BMPR1B: variants seen among roughly 807,000 people sequenced by gnomAD.
BMPR1B encodes the protein bone morphogenetic protein receptor type 1B.
BMPR1B carries 12 observed loss-of-function variants against 59.1 expected under a neutral mutation model. The observed-to-expected ratio is 0.20, with a 90% CI of 0.13 to 0.33. BMPR1B has a LOEUF of 0.33. BMPR1B is among the 10% of genes least tolerant of loss of function. The pLI, the probability that BMPR1B is intolerant of heterozygous loss-of-function variation, is 1.00. For synonymous variants in BMPR1B, 237 were observed against 207.3 expected (o/e 1.14, Z -1.23); for missense variants, 550 against 610.9 (o/e 0.90, Z 1.05).
intron 2 of BMPR1B, among the ~76,000 whole-genome samples, chr4:94,909,847 G>C (rs931711546): frequency 8.6e-5 from 13 of 152,028 alleles, no homozygotes; most frequent in African/African-American, 3.1e-4. Context: ...GTGTCTCCAG[G>C]TGGCTGTGGT....
At chr4:94,758,773 C>T (rs780317863) in intron 1 of BMPR1B, among the ~76,000 whole-genome samples, 2 of 152,082 alleles carry the variant, frequency 1.3e-5, no homozygotes. Context: ...CTCCCTTCCT[C>T]TCCTTATTGC....
chr4:95,064,168 T>C (rs1727626027), intron 3 of BMPR1B, among the ~76,000 whole-genome samples: 1 of 151,880 alleles, frequency 6.6e-6, no homozygotes, highest in Non-Finnish European at 1.5e-5. Context: ...AAAGCAATAA[T>C]AGAAAAAAAT....
At chr4:95,130,563 T>C (rs947158532) in intron 9 of BMPR1B, among the ~76,000 whole-genome samples, 3 of 152,110 alleles carry the variant, frequency 2.0e-5, no homozygotes, top group Non-Finnish European at 4.4e-5. Flanking sequence ...ATGTCTTATG[T>C]GTAACCATAA....
chr4:94,878,974 C>T (rs766834885), intron 2 of BMPR1B, among the ~76,000 whole-genome samples: 1 of 152,002 alleles, frequency 6.6e-6, no homozygotes, highest in Non-Finnish European at 1.5e-5. Flanking sequence ...TTTCACATTG[C>T]ATATTCAGGC....
intron 1 of BMPR1B, among the ~76,000 whole-genome samples, chr4:94,862,736 G>A (rs1357814995): frequency 6.6e-6 from 1 of 151,812 alleles, no homozygotes; most frequent in Non-Finnish European, 1.5e-5. Context: ...ATGAGGTCAG[G>A]AGATCGAGAC....
At chr4:94,860,361 A>G (rs760085857) in intron 1 of BMPR1B, among the ~76,000 whole-genome samples, 14 of 152,184 alleles carry the variant, frequency 9.2e-5, no homozygotes, top group Non-Finnish European at 1.8e-4. Flanking sequence ...TGTTTTCAAA[A>G]TAGTCATCAG....
chr4:95,127,044 CTGTGTG>C (rs6148578), intron 8 of BMPR1B, among the ~76,000 whole-genome samples: 3 of 146,472 alleles, frequency 2.0e-5, no homozygotes, highest in East Asian at 2.0e-4. Context: ...AGAATTAAGA[CTGTGTG>C]TGTGTGTGTG....
At chr4:94,899,695 C>T (rs182756714) in intron 2 of BMPR1B, among the ~76,000 whole-genome samples, 2,641 of 151,876 alleles carry the variant, frequency 0.017, 36 homozygotes, top group Non-Finnish European at 0.028. Flanking sequence ...AGAAAGTTTT[C>T]ATTAGAAACG....
At chr4:94,948,250 A>G (rs563768810) in intron 2 of BMPR1B, among the ~76,000 whole-genome samples, 1 of 152,316 alleles carries the variant, frequency 6.6e-6, no homozygotes, top group African/African-American at 2.4e-5. Context: ...TATCCATACC[A>G]GGTGGTAAAT....
intron 3 of BMPR1B, among the ~76,000 whole-genome samples, chr4:95,061,160 AACACAC>A (rs58119571): frequency 0.07 from 9,999 of 142,482 alleles, 393 homozygotes; most frequent in African/African-American, 0.097. Flanking sequence ...ATTTAGAATA[AACACAC>A]ACACACACAC....
At chr4:94,936,713 A>G (rs1434235611) in intron 2 of BMPR1B, among the ~76,000 whole-genome samples, 1 of 152,166 alleles carries the variant, frequency 6.6e-6, no homozygotes, top group East Asian at 1.9e-4. Context: ...CCAAACTAAG[A>G]ATGGGTTTGC....
At chr4:95,116,223 A>G (rs1025230429) in intron 6 of BMPR1B, among the ~76,000 whole-genome samples, 12 of 152,064 alleles carry the variant, frequency 7.9e-5, no homozygotes, top group African/African-American at 2.9e-4. Flanking sequence ...TGCTAGAGTA[A>G]CACCTTTTAG....
rs1436162069 is a variant in BMPR1B, at chr4:94,777,247, C to G, written c.-183+19179C>G. ...TTTTAAGAGAAGTGTGTTAATATTT[C>G]AGTTATCTCCATGAAATCTCCATAA... On this transcript the variant is annotated intron_variant, in intron 1 of 12. Transcript: ENST00000515059. 2.0e-5 allele frequency among the ~76,000 whole-genome samples: 3 copies of G among 152,070 alleles called. No individual in the cohort carries two copies. The East Asian group carries it at 5.8e-4, about 29-fold the overall frequency.
intron 3 of BMPR1B, among the ~76,000 whole-genome samples, chr4:95,102,973 C>A (rs746510187): frequency 6.6e-6 from 1 of 151,894 alleles, no homozygotes; most frequent in African/African-American, 2.4e-5. Flanking sequence ...ATTCTGCATA[C>A]GACAATCTTC....
At chr4:94,958,060 C>T (rs915280167) in intron 2 of BMPR1B, among the ~76,000 whole-genome samples, 6 of 152,258 alleles carry the variant, frequency 3.9e-5, no homozygotes, top group African/African-American at 1.4e-4. Context: ...CAGCATTCTA[C>T]TGAGAAAGCA....
chr4:94,988,378 T>G (rs1486930260), intron 2 of BMPR1B, among the ~76,000 whole-genome samples: 1 of 152,140 alleles, frequency 6.6e-6, no homozygotes, highest in African/African-American at 2.4e-5. Context: ...ATGCTTTTCA[T>G]TCTTCATTAT....
intron 2 of BMPR1B, among the ~76,000 whole-genome samples, chr4:94,908,090 AGAAAAAAC>A (rs1728124254): frequency 1.7e-5 from 2 of 119,808 alleles, no homozygotes; most frequent in African/African-American, 9.2e-5. Context: ...AAAAAAAAAA[AGAAAAAAC>A]AAAAAAAAGT....
At chr4:94,943,332 T>G (rs544785890) in intron 2 of BMPR1B, among the ~76,000 whole-genome samples, 3 of 152,182 alleles carry the variant, frequency 2.0e-5, no homozygotes, top group South Asian at 2.1e-4. Flanking sequence ...AGAGACAGGG[T>G]TTCTCCATAT....
chr4:95,021,830 C>T (rs551014217), intron 3 of BMPR1B, among the ~76,000 whole-genome samples: 14 of 152,260 alleles, frequency 9.2e-5, no homozygotes, highest in South Asian at 4.1e-4. Flanking sequence ...TACAGACATA[C>T]GTTTGTTCTT....
Sources: gnomAD v4.1 joint callset for allele counts (sites outside exome capture counted in the v4.1 genomes callset) on GRCh38, gnomAD v4.1.1 for gene constraint, MANE v1.5 for transcripts, NCBI Gene and HGNC (gene_info 2026-07-23, HGNC 2026-07-21) for gene names.